The following SNAPC4 variants were observed in gnomAD, a reference collection of about 807,000 sequenced individuals.
SNAPC4 encodes the protein small nuclear RNA activating complex polypeptide 4.
Under a neutral mutation model 151.3 loss-of-function variants are expected in SNAPC4, and 127 were observed. That is an observed-to-expected ratio of 0.84 (90% CI 0.73 to 0.97). The LOEUF is 0.97. Among genes scored for constraint, SNAPC4 ranks in the 50% least tolerant of loss-of-function variants. The pLI, the probability that SNAPC4 is intolerant of heterozygous loss-of-function variation, is 0.00. For synonymous variants in SNAPC4, 1,002 were observed against 824.4 expected, an observed-to-expected ratio of 1.22 and a Z score of -3.69; for missense variants, 2,186 against 1,935.0, an observed-to-expected ratio of 1.13 and a Z score of -2.43.
Position 136,383,268 on chromosome 9 carries a change from G to A in SNAPC4, c.1901C>T (p.Ala634Val), listed in dbSNP as rs375354385. ...ETSPVQVPAR[A>V]HGPVPRSAQA... ...GGCAGACCTCGGGACAGGGCCGTGG[G>A]CCCTGGCAGGGACCTGCACCGGACT... is the stretch of plus-strand genomic sequence containing the variant. The change falls in exon 16 of 24, where the codon GCC becomes GTC. Residue 634 changes from alanine to valine, a missense_variant. Physicochemically the swap from Ala to Val is moderately conservative, Grantham distance 64. Coordinates refer to ENST00000684778, the MANE Select transcript of SNAPC4 (RefSeq NM_003086.4). The surrounding 1 kb of genome is among the most constrained non-coding windows in gnomAD (Gnocchi z 4.2). 1 of 1,611,158 alleles carries A rather than the reference G, an allele frequency of 6.2e-7. No homozygotes were observed. Among genetic ancestry groups the A allele is most frequent in the South Asian group, 1.1e-5 (1 of 90,956 alleles).
intron 3 of SNAPC4, among the ~76,000 whole-genome samples, chr9:136,396,669 G>A (rs748788542): frequency 2.0e-5 from 3 of 152,200 alleles, no homozygotes; most frequent in Non-Finnish European, 4.4e-5. Flanking sequence ...GAGGCGAGCT[G>A]TGAGGGGCAG....
chr9:136,394,390 C>A, intron 6 of SNAPC4, 60 bp from the exon 7 acceptor site: 2 of 1,474,440 alleles, frequency 1.4e-6, no homozygotes, highest in Non-Finnish European at 1.9e-6. Context: ...GCCCAGCCCC[C>A]ACGGTTGGTG....
At position 136,383,599 on chromosome 9, in the gene SNAPC4, T is replaced by C. The variant is rs1242518923; in HGVS notation, c.1570A>G (p.Ser524Gly). ...HSVRWSSTSSSGSSSGSSGGS... is the reference protein window; with the variant it reads ...HSVRWSSTSSGGSSSGSSGGS... ...CCACTGCTGCCACTGCTGCTGCCGC[T>C]GCTGCTGGTAGAGCTCCACCGGACG... The change falls in exon 16 of 24, where the codon AGC becomes GGC. Residue 524 changes from serine to glycine, a missense_variant. Physicochemically the swap from Ser to Gly is moderately conservative, Grantham distance 56 (BLOSUM62 0). Transcript: ENST00000684778. This position sits in a 1 kb window ranked among gnomAD's most constrained non-coding sequence, Gnocchi z 4.2. The C allele has an allele frequency of 6.2e-7, 1 of 1,612,098 alleles. No homozygotes were observed. The highest frequency in any genetic ancestry group is 8.5e-7 in the Non-Finnish European group (1 of 1,179,676).
chr9:136,391,980 C>A lies in SNAPC4; in HGVS notation c.937G>T (p.Gly313Cys), dbSNP rs372524659. Residue 313 changes from glycine (G) to cysteine (C), a missense_variant, in exon 10 of 24, where the codon GGC (glycine) becomes TGC (cysteine). By Grantham distance (159) the Gly-to-Cys change is radical (BLOSUM62 -3). Coordinates refer to ENST00000684778, the MANE Select transcript of SNAPC4 (RefSeq NM_003086.4). Reference sequence around the variant, plus strand: ...GCAATCTTCTGCCACTCCAGGTGGCCGTGTGCAGCCGCGATCGCCTGCAGC... The same window carrying A: ...GCAATCTTCTGCCACTCCAGGTGGCAGTGTGCAGCCGCGATCGCCTGCAGC... ...ERLQAIAAAHGHLEWQKIAEE... is the reference protein window; with the variant it reads ...ERLQAIAAAHCHLEWQKIAEE... 4 of 1,607,394 alleles carry A rather than the reference C, an allele frequency of 2.5e-6. No individual in the cohort carries two copies. The highest frequency in any genetic ancestry group is 3.4e-6 in the Non-Finnish European group (4 of 1,179,966).
rs562819443 is a variant in SNAPC4, at chr9:136,384,897, T to C, written c.1326-83A>G. 5.6e-6 allele frequency: 4 copies of C among 709,716 alleles called. No individual in the cohort carries two copies. The South Asian group carries it at 6.8e-5, about 12-fold the overall frequency. 44.0% of individuals were successfully genotyped at this position (709,716 alleles called of 1,614,324 possible). A position where few individuals can be genotyped will look rare whatever the true frequency, so the allele number is the denominator to read the frequency against. On this transcript the variant is annotated intron_variant, in intron 13 of 23. Coordinates refer to ENST00000684778, the MANE Select transcript of SNAPC4 (RefSeq NM_003086.4). ...GCCCCAAGCTTCTTTAATGGTTTCT[T>C]GGATATGACACTAAAGGCGCAAGCA...
chr9:136,376,494 C>T lies in SNAPC4; in HGVS notation c.4285-13G>A. 6.2e-7 allele frequency: 1 copy of T among 1,612,744 alleles called. No homozygotes were observed. Among genetic ancestry groups the T allele is most frequent in the Non-Finnish European group, 8.5e-7 (1 of 1,179,688 alleles). On this transcript the variant is annotated splice_polypyrimidine_tract_variant and intron_variant, in intron 22 of 23. Transcript: ENST00000684778. ...AGTCTGGGGCTCCCTGAAAGAAAATCCAGGCAGTGGGGACAAGAGTGACAC... is the reference window on the plus strand; with the variant it reads ...AGTCTGGGGCTCCCTGAAAGAAAATTCAGGCAGTGGGGACAAGAGTGACAC...
intron 13 of SNAPC4, 63 bp downstream of exon 13, chr9:136,387,422 C>T: frequency 8.4e-7 from 1 of 1,193,420 alleles, no homozygotes; most frequent in South Asian, 1.2e-5. Flanking sequence ...ACAGCCCACA[C>T]CAGAGTGCAC....
rs769725016 is a variant in SNAPC4 at position 136,378,810 on chromosome 9, G to A, written c.3017C>T (p.Ala1006Val). Residue 1006 changes from alanine to valine, a missense_variant, in exon 22 of 24, where the codon GCC becomes GTC. Transcript: ENST00000684778. ...AEGTAPAASQ[A>V]PALGPGQISV... is the part of the protein sequence containing the mutation. ...GATCTGGCCGGGGCCCAGGGCAGGGGCTTGGGAAGCAGCAGGGGCTGTGCC... is the reference window on the plus strand; with the variant it reads ...GATCTGGCCGGGGCCCAGGGCAGGGACTTGGGAAGCAGCAGGGGCTGTGCC... The A allele has an allele frequency of 6.3e-7, 1 of 1,588,302 alleles. No individual in the cohort carries two copies. The highest frequency in any genetic ancestry group is 8.6e-7 in the Non-Finnish European group (1 of 1,166,942).
chr9:136,394,373 C>T lies in SNAPC4; in HGVS notation c.551-43G>A, dbSNP rs761584757. 2.6e-6 allele frequency: 4 copies of T among 1,537,886 alleles called. No homozygotes were observed. In the South Asian group the frequency reaches 4.5e-5, roughly 17 times the overall value. ...CATCATCACTGGGGGTCTGGATCCTCTCCACGGCCCAGCCCCCACGGTTGG... is the reference window on the plus strand; with the variant it reads ...CATCATCACTGGGGGTCTGGATCCTTTCCACGGCCCAGCCCCCACGGTTGG... On this transcript the variant is annotated intron_variant, in intron 6 of 23. Coordinates refer to ENST00000684778, the MANE Select transcript of SNAPC4 (RefSeq NM_003086.4).
intron 6 of SNAPC4, 80 bp from the exon 7 acceptor site, chr9:136,394,410 C>A: frequency 7.6e-7 from 1 of 1,319,830 alleles, no homozygotes; most frequent in South Asian, 1.2e-5. Context: ...GTGCACTTCC[C>A]GAGGCAGTGG....
chr9:136,383,444 G>C lies in SNAPC4; in HGVS notation c.1725C>G (p.Ala575=). ...MVPDMDLWVP[A]RQSTSQPWRG... Reference sequence around the variant, plus strand: ...TCCATGGCTGGCTGGTGCTCTGCCTGGCAGGAACCCACAGGTCCATGTCCG... The same window carrying C: ...TCCATGGCTGGCTGGTGCTCTGCCTCGCAGGAACCCACAGGTCCATGTCCG... Residue 575 remains alanine (A), a synonymous_variant, in exon 16 of 24, where the codon GCC becomes GCG. Coordinates refer to ENST00000684778, the MANE Select transcript of SNAPC4 (RefSeq NM_003086.4). The surrounding 1 kb of genome is among the most constrained non-coding windows in gnomAD (Gnocchi z 4.2). The C allele has an allele frequency of 1.3e-6, 2 of 1,562,662 alleles. No homozygotes were observed. Among genetic ancestry groups the C allele is most frequent in the Non-Finnish European group, 1.7e-6 (2 of 1,153,652 alleles).
At chr9:136,395,025 C>G in intron 5 of SNAPC4, 147 bp from the exon 6 acceptor site, 4 of 795,266 alleles carry the variant, frequency 5.0e-6, no homozygotes, top group Non-Finnish European at 7.9e-6. Context: ...GCAACCCTGC[C>G]GGCCACTCCA....
Position 136,381,842 on chromosome 9 carries a change from C to CG in SNAPC4, c.2298dup (p.Ala767ArgfsTer273). ...GCCATACCTTGAGTCTGCACTACGG[C>CG]GGGTCTCTGGGAAGCCTGTGTGCAG... On this transcript the variant is annotated frameshift_variant, in exon 18 of 24. Coordinates refer to ENST00000684778, the MANE Select transcript of SNAPC4 (RefSeq NM_003086.4). LOFTEE classifies it high-confidence loss of function. 1 of 1,609,594 alleles carries CG rather than the reference C, an allele frequency of 6.2e-7. No individual in the cohort carries two copies. Among genetic ancestry groups the CG allele is most frequent in the Non-Finnish European group, 8.5e-7 (1 of 1,177,880 alleles).
In SNAPC4 at chr9:136,399,831, C is replaced by T. The variant is rs1834393201; in HGVS notation, c.-10+303G>A. 3.3e-5 allele frequency among the ~76,000 whole-genome samples: 5 copies of T among 152,314 alleles called. No homozygotes were observed. In the South Asian group the frequency reaches 1.0e-3, roughly 32 times the overall value. On this transcript the variant is annotated intron_variant, in intron 1 of 23. Transcript: ENST00000684778. Reference sequence around the variant, plus strand: ...AACCCCCTCCGAGGCTCGGCCACCGCGGAATCGCCGGCGCAGTCCCCGAGA... The same window carrying T: ...AACCCCCTCCGAGGCTCGGCCACCGTGGAATCGCCGGCGCAGTCCCCGAGA...
rs370621243 is a variant in SNAPC4, at chr9:136,394,842, C to T, written c.508G>A (p.Ala170Thr). The T allele has an allele frequency of 2.9e-5, 46 of 1,613,834 alleles. No homozygotes were observed. Among genetic ancestry groups the T allele is most frequent in the Non-Finnish European group, 3.8e-5 (45 of 1,180,004 alleles). The change falls in exon 6 of 24, where the codon GCC becomes ACC. Residue 170 changes from alanine to threonine, a missense_variant. Physicochemically the swap from Ala to Thr is moderately conservative, Grantham distance 58. Coordinates refer to ENST00000684778, the MANE Select transcript of SNAPC4 (RefSeq NM_003086.4). ...PANEDTREKAAQGIKAFEELL... is the reference protein window; with the variant it reads ...PANEDTREKATQGIKAFEELL... ...TCCTCGAAAGCCTTGATCCCCTGGG[C>T]AGCCTTCTCTCGTGTGTCCTCGTTG...
chr9:136,396,184 T>C (rs988008478), intron 3 of SNAPC4, among the ~76,000 whole-genome samples: 2 of 152,126 alleles, frequency 1.3e-5, no homozygotes, highest in African/African-American at 4.8e-5. Flanking sequence ...AGCCAGGAAG[T>C]GGACGCAGTG....
At chr9:136,389,435 C>T (rs1833996004) in intron 10 of SNAPC4, among the ~76,000 whole-genome samples, 1 of 152,192 alleles carries the variant, frequency 6.6e-6, no homozygotes, top group South Asian at 2.1e-4. Flanking sequence ...TGTGGTGCCG[C>T]TGAGCTGTGA....
At chr9:136,399,178 G>A (rs917300726) in intron 1 of SNAPC4, among the ~76,000 whole-genome samples, 1 of 152,180 alleles carries the variant, frequency 6.6e-6, no homozygotes, top group Non-Finnish European at 1.5e-5. Context: ...AGACCCGGGA[G>A]CCCAAAACAC....
At position 136,394,784 on chromosome 9, in the gene SNAPC4, C is replaced by T. The variant is rs757617460; in HGVS notation, c.550+16G>A. 58 of 1,612,096 alleles carry T rather than the reference C, an allele frequency of 3.6e-5. No individual in the cohort carries two copies. Among genetic ancestry groups the T allele is most frequent in the Middle Eastern group, 3.3e-4 (2 of 6,072 alleles). ...CCCAAGCTCAGGGGTGCCGCAGGGCCGGCCAGGGCTCTTACATTTGGTCAC... is the reference window on the plus strand; with the variant it reads ...CCCAAGCTCAGGGGTGCCGCAGGGCTGGCCAGGGCTCTTACATTTGGTCAC... On this transcript the variant is annotated intron_variant, in intron 6 of 23. Coordinates refer to ENST00000684778, the MANE Select transcript of SNAPC4 (RefSeq NM_003086.4).
Sources: allele counts gnomAD v4.1 joint callset (sites outside exome capture counted in the v4.1 genomes callset), GRCh38; gene constraint gnomAD v4.1.1; non-coding constraint Gnocchi (gnomAD v3.1); transcripts MANE v1.5; gene names NCBI Gene and HGNC (gene_info 2026-07-23, HGNC 2026-07-21).